EXD1: variants seen among roughly 807,000 people sequenced by gnomAD.
EXD1 encodes the protein piRNA biogenesis protein EXD1.
A neutral mutation model predicts 49.1 loss-of-function variants in EXD1; 63 were observed. The observed-to-expected ratio is 1.28, with a 90% CI of 1.05 to 1.58. The LOEUF is 1.58. EXD1 is among the 40% of genes most tolerant of loss of function. EXD1 has a pLI of 0.00. For missense variants in EXD1, 748 were observed against 666.0 expected, an observed-to-expected ratio of 1.12 and a Z score of -1.36; for synonymous variants, 234 against 239.2, an observed-to-expected ratio of 0.98 and a Z score of 0.20.
At chr15:41,199,660 G>C (rs9672366) in intron 7 of EXD1, among the ~76,000 whole-genome samples, 3 of 96,268 alleles carry the variant, frequency 3.1e-5, no homozygotes, top group Non-Finnish European at 6.4e-5. Context: ...TCATATATAT[G>C]ATATACACAT....
At chr15:41,225,562 GC>G (rs1566996580) in intron 2 of EXD1, among the ~76,000 whole-genome samples, 1 of 147,396 alleles carries the variant, frequency 6.8e-6, no homozygotes, top group Non-Finnish European at 1.5e-5. Context: ...TCTAGCCTGG[GC>G]AACAAGAACG....
At chr15:41,214,780 C>T (rs2046975912) in intron 6 of EXD1, among the ~76,000 whole-genome samples, 1 of 151,728 alleles carries the variant, frequency 6.6e-6, no homozygotes, top group African/African-American at 2.4e-5. Flanking sequence ...GAGTCTCGCT[C>T]TGTCACCCAG....
Position 41,199,739 on chromosome 15 carries a change from G to A in EXD1, c.535-3702C>T, listed in dbSNP as rs12902448. 1.5e-3 allele frequency among the ~76,000 whole-genome samples: 119 copies of A among 79,344 alleles called. 6 individuals are homozygous for A. Among genetic ancestry groups the A allele is most frequent in the South Asian group, 6.6e-3 (15 of 2,282 alleles). The allele number at this position is 79,344 out of a possible 152,430, so 52.1% of individuals were successfully genotyped here. ...ATGATATATTATATATGATATATATGTCATATATTATATATGATACATATA... is the reference window on the plus strand; with the variant it reads ...ATGATATATTATATATGATATATATATCATATATTATATATGATACATATA... On this transcript the variant is annotated intron_variant, in intron 7 of 11. Coordinates refer to ENST00000458580, the MANE Select transcript of EXD1 (RefSeq NM_001286441.2).
At chr15:41,196,084 T>A (rs1370953747) in intron 7 of EXD1, 47 bp from the exon 8 acceptor site, 2 of 1,403,386 alleles carry the variant, frequency 1.4e-6, no homozygotes, top group African/African-American at 2.9e-5. Context: ...AAGAAAGAAC[T>A]GAGGAAGGGA....
At chr15:41,223,509 C>T (rs566238870) in intron 2 of EXD1, among the ~76,000 whole-genome samples, 1 of 151,876 alleles carries the variant, frequency 6.6e-6, no homozygotes, top group East Asian at 1.9e-4. Context: ...TCACTTGAGC[C>T]CAGAAGCTGG....
chr15:41,223,726 G>C (rs1410561650), intron 2 of EXD1, among the ~76,000 whole-genome samples: 1 of 149,384 alleles, frequency 6.7e-6, no homozygotes, highest in East Asian at 2.1e-4. Context: ...TCAGCCGGGC[G>C]TGGTGGCGGG....
intron 3 of EXD1, chr15:41,219,554 T>A (rs1175751765): frequency 3.3e-6 from 1 of 299,640 alleles, no homozygotes; most frequent in Non-Finnish European, 6.1e-6. Context: ...TTTAAGTAGC[T>A]TGCTTAGCAA....
chr15:41,230,458 A>T, intron 1 of EXD1, 21 bp downstream of exon 1: 1 of 1,606,450 alleles, frequency 6.2e-7, no homozygotes. Flanking sequence ...CAAAATAAGG[A>T]ACTTCAAATA....
At chr15:41,228,424 C>T (rs140401323) in intron 1 of EXD1, among the ~76,000 whole-genome samples, 17 of 152,242 alleles carry the variant, frequency 1.1e-4, no homozygotes, top group Middle Eastern at 3.4e-3. Flanking sequence ...ACCTAATTTA[C>T]AAATGAAGAA....
rs555460633 is a variant in EXD1 at position 41,212,265 on chromosome 15, C to T, written c.448-2678G>A. ...GAGATCGAGAACACCCTGGCTAACA[C>T]GGTGAAACCCCGTCTCTACTAAAAA... On this transcript the variant is annotated intron_variant, in intron 6 of 11. Coordinates refer to ENST00000458580, the MANE Select transcript of EXD1 (RefSeq NM_001286441.2). 8.6e-4 allele frequency among the ~76,000 whole-genome samples: 131 copies of T among 151,678 alleles called. No homozygotes were observed. In the South Asian group the frequency reaches 0.016, roughly 19 times the overall value.
At chr15:41,220,418 G>A (rs1200948788) in intron 2 of EXD1, among the ~76,000 whole-genome samples, 2 of 151,964 alleles carry the variant, frequency 1.3e-5, no homozygotes, top group South Asian at 2.1e-4. Context: ...CTACAGGCAC[G>A]AGCCACCACG....
At chr15:41,191,612 A>T in intron 9 of EXD1, 27 bp from the exon 10 acceptor site, 2 of 1,610,198 alleles carry the variant, frequency 1.2e-6, no homozygotes, top group Non-Finnish European at 1.7e-6. Context: ...AGACAAACAG[A>T]CCAGTTGAAT....
chr15:41,218,806 T>A (rs2047044119), intron 3 of EXD1, among the ~76,000 whole-genome samples: 2 of 152,272 alleles, frequency 1.3e-5, no homozygotes, highest in Non-Finnish European at 1.5e-5. Flanking sequence ...GAGAAAGAAA[T>A]ATGTAGCTGT....
At chr15:41,230,150 C>G (rs1207605627) in intron 1 of EXD1, among the ~76,000 whole-genome samples, 1 of 143,320 alleles carries the variant, frequency 7.0e-6, no homozygotes, top group Non-Finnish European at 1.5e-5. Flanking sequence ...ATGCCGCGAT[C>G]TCGGCTCACT....
intron 7 of EXD1, among the ~76,000 whole-genome samples, chr15:41,205,543 T>A (rs1229030320): frequency 6.6e-6 from 1 of 152,028 alleles, no homozygotes; most frequent in Non-Finnish European, 1.5e-5. Flanking sequence ...TTTGGAAGGC[T>A]GAGCTGGGTA....
intron 11 of EXD1, among the ~76,000 whole-genome samples, chr15:41,187,850 T>C (rs1249010633): frequency 6.6e-6 from 1 of 151,864 alleles, no homozygotes; most frequent in Admixed American, 6.6e-5. Context: ...ACCCCGTCTC[T>C]ACTAAAAATA....
intron 4 of EXD1, 34 bp downstream of exon 4, chr15:41,217,063 A>C: frequency 6.3e-7 from 1 of 1,590,392 alleles, no homozygotes; most frequent in Non-Finnish European, 8.6e-7. Context: ...CACATTTGGA[A>C]AATATCATAA....
In EXD1 at chr15:41,184,398, A is replaced by C. The variant is rs2046372007; in HGVS notation, c.1252T>G (p.Phe418Val). 1 of 1,613,770 alleles carries C rather than the reference A, an allele frequency of 6.2e-7. No homozygotes were observed. Among genetic ancestry groups the C allele is most frequent in the African/African-American group, 1.3e-5 (1 of 74,824 alleles). The change falls in exon 12 of 12, where the codon TTT becomes GTT. Residue 418 changes from phenylalanine (F) to valine (V), a missense_variant. Physicochemically the swap from Phe to Val is conservative, Grantham distance 50. Coordinates refer to ENST00000458580, the MANE Select transcript of EXD1 (RefSeq NM_001286441.2). ...AAACTTGGAGCTTTATCTATCCTAA[A>C]ATTTTTACCAAATAAGAAGCCTTTG... ...KVKGFLFGKN[F>V]RIDKAPSFTS...
chr15:41,212,294 A>T (rs1474512852), intron 6 of EXD1, among the ~76,000 whole-genome samples: 1 of 145,618 alleles, frequency 6.9e-6, no homozygotes, highest in East Asian at 2.0e-4. Context: ...CTAAAAATGT[A>T]AAAAAAAAAA....
Sources: allele counts gnomAD v4.1 joint callset (sites outside exome capture counted in the v4.1 genomes callset), GRCh38; gene constraint gnomAD v4.1.1; transcripts MANE v1.5; gene names NCBI Gene and HGNC (gene_info 2026-07-23, HGNC 2026-07-21).